TMC1: variants seen among roughly 807,000 people sequenced by gnomAD.
The protein encoded by TMC1 is transmembrane channel-like protein 1.
A neutral mutation model predicts 105.8 loss-of-function variants in TMC1; 84 were observed. The ratio of observed to expected loss-of-function variants is 0.79; its 90% CI spans 0.67 to 0.95. The LOEUF is 0.95. Among genes scored for constraint, TMC1 ranks in the 40% least tolerant of loss-of-function variants. TMC1 has a pLI of 0.00. For missense variants in TMC1, 817 were observed against 914.1 expected, an observed-to-expected ratio of 0.89 and a Z score of 1.37; for synonymous variants, 315 against 311.5, an observed-to-expected ratio of 1.01 and a Z score of -0.12.
intron 23 of TMC1, among the ~76,000 whole-genome samples, chr9:72,834,031 T>C (rs1252161604): frequency 6.6e-6 from 1 of 151,836 alleles, no homozygotes; most frequent in Non-Finnish European, 1.5e-5. Context: ...TTTTCTGTTT[T>C]TTTTTTTTTC....
chr9:72,551,640 T>C (rs1455761177), intron 1 of TMC1, among the ~76,000 whole-genome samples: 2 of 152,194 alleles, frequency 1.3e-5, no homozygotes, highest in Non-Finnish European at 2.9e-5. Flanking sequence ...AAACATTAAG[T>C]AGCTCTTGAG....
At chr9:72,758,269 C>T (rs995080204) in intron 12 of TMC1, among the ~76,000 whole-genome samples, 8 of 152,066 alleles carry the variant, frequency 5.3e-5, no homozygotes, top group African/African-American at 1.9e-4. Context: ...TCAGCCCATC[C>T]TACAATAAGC....
intron 8 of TMC1, among the ~76,000 whole-genome samples, chr9:72,709,748 C>G (rs1027362486): frequency 6.6e-5 from 10 of 152,210 alleles, no homozygotes; most frequent in African/African-American, 2.2e-4. Context: ...TGGATCTTCT[C>G]TCTTCTTTGC....
chr9:72,783,153 G>GATAT (rs373297077), intron 13 of TMC1, among the ~76,000 whole-genome samples: 31 of 149,590 alleles, frequency 2.1e-4, no homozygotes, highest in African/African-American at 6.6e-4. Context: ...ACTAATAGGA[G>GATAT]ATATATATAT....
intron 4 of TMC1, among the ~76,000 whole-genome samples, chr9:72,629,462 G>A (rs955294582): frequency 2.6e-5 from 4 of 152,146 alleles, no homozygotes; most frequent in Non-Finnish European, 4.4e-5. Context: ...TGCCCTCAAG[G>A]AACCCATGAG....
intron 17 of TMC1, among the ~76,000 whole-genome samples, chr9:72,798,231 T>C (rs1828406257): frequency 6.6e-6 from 1 of 151,910 alleles, no homozygotes; most frequent in African/African-American, 2.4e-5. Context: ...GCTGGCAAGG[T>C]CGCAGAGAAA....
At position 72,751,834 on chromosome 9, in the gene TMC1, A is replaced by AT. The variant is rs766347593; in HGVS notation, c.536-12dup. 8 of 1,554,440 alleles carry AT rather than the reference A, an allele frequency of 5.1e-6. No homozygotes were observed. The highest frequency in any genetic ancestry group is 6.2e-6 in the Non-Finnish European group (7 of 1,126,526). On this transcript the variant is annotated splice_polypyrimidine_tract_variant and intron_variant, in intron 10 of 23. Transcript: ENST00000297784. ...GCTTTGATCTCTCTTCAAACTTTTT[A>AT]TTTTCTTTGTAATAGGTCAGTTTGG...
At chr9:72,646,730 T>G (rs1369365329) in intron 4 of TMC1, among the ~76,000 whole-genome samples, 1 of 151,962 alleles carries the variant, frequency 6.6e-6, no homozygotes, top group African/African-American at 2.4e-5. Flanking sequence ...AATGGGCCAT[T>G]TTATATCCTA....
intron 4 of TMC1, among the ~76,000 whole-genome samples, chr9:72,644,536 T>C (rs962174897): frequency 4.3e-4 from 66 of 152,156 alleles, no homozygotes; most frequent in Non-Finnish European, 9.1e-4. Context: ...TAAATTGTCT[T>C]TGTACCTTTG....
chr9:72,632,541 C>A (rs1283837403), intron 4 of TMC1, among the ~76,000 whole-genome samples: 1 of 152,128 alleles, frequency 6.6e-6, no homozygotes, highest in East Asian at 1.9e-4. Context: ...ATATAGAGGA[C>A]AGAGAATGGA....
intron 5 of TMC1, among the ~76,000 whole-genome samples, chr9:72,669,872 C>A (rs1418863462): frequency 6.6e-6 from 1 of 152,084 alleles, no homozygotes; most frequent in Non-Finnish European, 1.5e-5. Flanking sequence ...AGACATTATA[C>A]CTCAGACAAC....
chr9:72,609,477 T>G (rs2132118624), intron 2 of TMC1, among the ~76,000 whole-genome samples: 1 of 151,360 alleles, frequency 6.6e-6, no homozygotes, highest in South Asian at 2.1e-4. Flanking sequence ...GAGGCAGAGG[T>G]TGTAGTGAGC....
chr9:72,732,803 A>G (rs566661465), intron 8 of TMC1, among the ~76,000 whole-genome samples: 1 of 152,298 alleles, frequency 6.6e-6, no homozygotes, highest in East Asian at 1.9e-4. Context: ...GCGAATCCTC[A>G]GTTTCCTTAT....
chr9:72,595,697 G>A (rs547831043), intron 2 of TMC1, among the ~76,000 whole-genome samples: 8 of 100,078 alleles, frequency 8.0e-5, no homozygotes, highest in East Asian at 5.9e-4. Flanking sequence ...TTTTTTTTTA[G>A]ACTGAATCTT....
intron 10 of TMC1, among the ~76,000 whole-genome samples, chr9:72,744,019 A>G (rs1588061193): frequency 6.6e-6 from 1 of 152,306 alleles, no homozygotes; most frequent in Middle Eastern, 3.4e-3. Context: ...TGGAGGCTCC[A>G]TAGGGAGATA....
chr9:72,559,033 C>G (rs140848867), intron 1 of TMC1, among the ~76,000 whole-genome samples: 1 of 151,954 alleles, frequency 6.6e-6, no homozygotes, highest in African/African-American at 2.4e-5. Flanking sequence ...CATACAACTT[C>G]TCTGATACCA....
chr9:72,649,408 G>A (rs1439118697), intron 5 of TMC1, among the ~76,000 whole-genome samples: 1 of 152,118 alleles, frequency 6.6e-6, no homozygotes, highest in Non-Finnish European at 1.5e-5. Context: ...AGACTGTCTA[G>A]TCCAGATAAT....
At chr9:72,541,620 G>A (rs12002651) in intron 1 of TMC1, among the ~76,000 whole-genome samples, 18,660 of 151,446 alleles carry the variant, frequency 0.12, 1,323 homozygotes, top group Non-Finnish European at 0.17. Context: ...CCCAGGAGGT[G>A]GAGGTTGCAG....
chr9:72,645,957 T>C (rs1825705058), intron 4 of TMC1, among the ~76,000 whole-genome samples: 1 of 152,226 alleles, frequency 6.6e-6, no homozygotes, highest in African/African-American at 2.4e-5. Flanking sequence ...GGAGCTTATA[T>C]TGAGAAATAA....
Sources: gnomAD v4.1 joint callset for allele counts (sites outside exome capture counted in the v4.1 genomes callset) on GRCh38, gnomAD v4.1.1 for gene constraint, MANE v1.5 for transcripts, NCBI Gene and HGNC (gene_info 2026-07-23, HGNC 2026-07-21) for gene names.